Variants in AGAP6 observed in about 807,000 individuals in gnomAD.
AGAP6 encodes the protein ArfGAP with GTPase domain, ankyrin repeat and PH domain 6, also known as arf-GAP with GTPase, ANK repeat and PH domain-containing protein 6.
In AGAP6, 29 loss-of-function variants were observed where a neutral mutation model predicts 63.9. The ratio of observed to expected loss-of-function variants is 0.45; its 90% CI spans 0.34 to 0.62. The LOEUF (loss-of-function observed/expected upper bound fraction) is 0.62. Among genes scored for constraint, AGAP6 ranks in the 20% least tolerant of loss-of-function variants. AGAP6 has a pLI of 0.01. For missense variants in AGAP6, 493 were observed against 884.9 expected (o/e 0.56, Z 5.62); for synonymous variants, 199 against 332.9 (o/e 0.60, Z 4.38).
chr10:49,988,452 T>C lies in AGAP6; in HGVS notation c.-264T>C. 6 of 1,330,168 alleles carry C rather than the reference T, an allele frequency of 4.5e-6. 1 individual carries two copies. Among genetic ancestry groups the C allele is most frequent in the Non-Finnish European group, 5.9e-6 (6 of 1,014,290 alleles). The allele number at this position is 1,330,168 out of a possible 1,614,324, so 82.4% of individuals were successfully genotyped here. On this transcript the variant is annotated 5_prime_UTR_variant, in exon 1 of 8. Transcript: ENST00000412531. ...TTGTGTCTCTCAGCGCTTGTTGGTT[T>C]CACAACCTATTAAATAAGCCGGCTG...
intron 7 of AGAP6, among the ~76,000 whole-genome samples, chr10:50,008,361 C>T (rs1484825765): frequency 1.3e-4 from 20 of 148,996 alleles, no homozygotes; most frequent in Non-Finnish European, 1.8e-4. Context: ...TGCAATCGCG[C>T]GATCTTGGTT....
chr10:49,995,447 C>T (rs1403348587), intron 4 of AGAP6, among the ~76,000 whole-genome samples: 2 of 152,148 alleles, frequency 1.3e-5, no homozygotes, highest in Non-Finnish European at 2.9e-5. Flanking sequence ...TATTTTCTAA[C>T]AGCTGTTTTT....
chr10:50,006,005 A>T (rs1554863834), intron 6 of AGAP6, among the ~76,000 whole-genome samples: 2 of 150,406 alleles, frequency 1.3e-5, no homozygotes, highest in African/African-American at 4.9e-5. Context: ...GTTTTCAGAC[A>T]GTTGTGGGTA....
At chr10:49,990,413 C>T (rs1841223422) in intron 2 of AGAP6, among the ~76,000 whole-genome samples, 1 of 152,198 alleles carries the variant, frequency 6.6e-6, no homozygotes, top group Admixed American at 6.5e-5. Context: ...CCAATGCACT[C>T]CAGCCTGGGT....
At chr10:49,991,045 A>G (rs1311403688) in intron 2 of AGAP6, among the ~76,000 whole-genome samples, 1 of 152,122 alleles carries the variant, frequency 6.6e-6, no homozygotes, top group African/African-American at 2.4e-5. Context: ...GTCATTCTTT[A>G]GGATTACAAC....
intron 2 of AGAP6, among the ~76,000 whole-genome samples, chr10:49,989,803 G>T (rs1841197974): frequency 6.6e-6 from 1 of 152,166 alleles, no homozygotes; most frequent in African/African-American, 2.4e-5. Context: ...TCACAGCCGG[G>T]GCTGCAGAAA....
In AGAP6 at chr10:49,988,413, T is replaced by C. The variant is rs1841118523; in HGVS notation, c.-303T>C. On this transcript the variant is annotated 5_prime_UTR_variant, in exon 1 of 8. Coordinates refer to ENST00000412531, the MANE Select transcript of AGAP6 (RefSeq NM_001077665.3). The stretch of plus-strand genomic sequence containing the variant: ...AGGAGGAGGAACTCCGTCTGTTCTC[T>C]CTTCAGGCAGTTGTTGTGTCTCTCA... 1.1e-5 allele frequency: 15 copies of C among 1,336,054 alleles called. No homozygotes were observed. In the South Asian group the frequency reaches 2.1e-4, roughly 19 times the overall value. The allele number at this position is 1,336,054 out of a possible 1,614,324, so 82.8% of individuals were successfully genotyped here. A position where few individuals can be genotyped will look rare whatever the true frequency, so the allele number is the denominator to read the frequency against.
In AGAP6 at chr10:49,991,698, C is replaced by T. The variant is rs782783962; in HGVS notation, c.315C>T (p.Ala105=). 1 of 1,598,362 alleles carries T rather than the reference C, an allele frequency of 6.3e-7. No homozygotes were observed. The highest frequency in any genetic ancestry group is 8.5e-7 in the Non-Finnish European group (1 of 1,179,706). The change falls in exon 3 of 8, where the codon GCC becomes GCT. Residue 105 remains alanine (A), a synonymous_variant. Coordinates refer to ENST00000412531, the MANE Select transcript of AGAP6 (RefSeq NM_001077665.3). The part of the protein sequence containing the change: ...QTEALEFNPS[A]NPEASTIFQR... ...TAGCTTTGGAGTTTAACCCTTCTGC[C>T]AATCCAGAGGCAAGCACAATATTCC... is the stretch of plus-strand genomic sequence containing the variant.
chr10:49,999,230 A>T (rs1841604707), intron 4 of AGAP6, among the ~76,000 whole-genome samples: 1 of 134,836 alleles, frequency 7.4e-6, no homozygotes, highest in East Asian at 2.4e-4. Flanking sequence ...ACAGAGCGAG[A>T]CTCCATCTCA....
In AGAP6 at chr10:50,009,789, C is replaced by T. The variant is rs1318539192; in HGVS notation, c.1664C>T (p.Ser555Leu). 3 of 1,613,736 alleles carry T rather than the reference C, an allele frequency of 1.9e-6. No homozygotes were observed. Among genetic ancestry groups the T allele is most frequent in the Non-Finnish European group, 2.5e-6 (3 of 1,179,960 alleles). Residue 555 changes from serine to leucine, a missense_variant, in exon 8 of 8, where the codon TCA becomes TTA. By Grantham distance (145) the Ser-to-Leu change is moderately radical. Transcript: ENST00000412531. ...EGSSQGQTKP[S>L]EKSTREEKER... ...AGCAGCCAGGGGCAGACAAAACCCT[C>T]AGAAAAGTCCACGAGGGAAGAGAAG...
intron 4 of AGAP6, among the ~76,000 whole-genome samples, chr10:49,994,681 G>A (rs1787045261): frequency 1.3e-5 from 2 of 152,054 alleles, no homozygotes; most frequent in Admixed American, 6.6e-5. Context: ...TCTGCCTTAC[G>A]GCTGGGCATG....
intron 6 of AGAP6, among the ~76,000 whole-genome samples, chr10:50,005,647 G>A (rs1288132365): frequency 2.0e-5 from 3 of 151,624 alleles, no homozygotes; most frequent in Admixed American, 6.6e-5. Context: ...CTGGTGGGGC[G>A]CAGTGGTTCA....
chr10:49,989,785 G>A (rs1841197073), intron 2 of AGAP6, among the ~76,000 whole-genome samples: 2 of 152,356 alleles, frequency 1.3e-5, no homozygotes, highest in South Asian at 4.1e-4. Context: ...TGTGAAAGGT[G>A]TAAAATGTCA....
intron 5 of AGAP6, among the ~76,000 whole-genome samples, chr10:50,003,044 T>TC (rs1841771512): frequency 6.6e-6 from 1 of 151,678 alleles, no homozygotes. Flanking sequence ...TTGACTAGAG[T>TC]CCCTGGCTTC....
In AGAP6 at chr10:50,010,170, CCGA is replaced by C. The variant is rs1842061033; in HGVS notation, c.2049_2051del (p.Asp683del). ...AACGTGCTTCTGCAGTACGGCTGCC[CCGA>C]CGAGTGTGTGTAGTATCTGTTTTAT... On this transcript the variant is annotated inframe_deletion, in exon 8 of 8. Coordinates refer to ENST00000412531, the MANE Select transcript of AGAP6 (RefSeq NM_001077665.3). 1 of 1,605,562 alleles carries C rather than the reference CCGA, an allele frequency of 6.2e-7. No individual in the cohort carries two copies. The highest frequency in any genetic ancestry group is 8.5e-7 in the Non-Finnish European group (1 of 1,175,078).
At chr10:49,990,350 C>G (rs1476613835) in intron 2 of AGAP6, among the ~76,000 whole-genome samples, 5 of 152,044 alleles carry the variant, frequency 3.3e-5, no homozygotes, top group Non-Finnish European at 7.4e-5. Flanking sequence ...AAGGCTGAGG[C>G]AGGAGAATTG....
At position 50,001,989 on chromosome 10, in the gene AGAP6, C is replaced by A. The variant is rs1281663341; in HGVS notation, c.397-7C>A. 1 of 1,612,572 alleles carries A rather than the reference C, an allele frequency of 6.2e-7. No individual in the cohort carries two copies. Among genetic ancestry groups the A allele is most frequent in the Non-Finnish European group, 8.5e-7 (1 of 1,180,000 alleles). Reference sequence around the variant, plus strand: ...TAAGTTTGACTTACAGTTCCCTTCCCCTTCAGGTATCTGCTGTGCGTTTCA... The same window carrying A: ...TAAGTTTGACTTACAGTTCCCTTCCACTTCAGGTATCTGCTGTGCGTTTCA... On this transcript the variant is annotated splice_region_variant and splice_polypyrimidine_tract_variant and intron_variant, in intron 4 of 7. Transcript: ENST00000412531.
chr10:49,995,711 T>C (rs1255637258), intron 4 of AGAP6, among the ~76,000 whole-genome samples: 3 of 152,216 alleles, frequency 2.0e-5, no homozygotes, highest in Non-Finnish European at 2.9e-5. Context: ...TGTGTTTCCT[T>C]CTGTCCTGTT....
Position 49,989,561 on chromosome 10 carries a change from G to A in AGAP6, c.292+185G>A, listed in dbSNP as rs1841188452. Among the ~76,000 whole-genome samples the A allele has an allele frequency of 2.0e-5, 3 of 152,016 alleles. No individual in the cohort carries two copies. In the South Asian group the frequency reaches 6.2e-4, roughly 31 times the overall value. On this transcript the variant is annotated intron_variant, in intron 2 of 7. Coordinates refer to ENST00000412531, the MANE Select transcript of AGAP6 (RefSeq NM_001077665.3). ...GAAGGAACCAGGTAAGTGCCTAATTGTTTCCTTTGTTAAAGTAGCCAAATC... is the reference window on the plus strand; with the variant it reads ...GAAGGAACCAGGTAAGTGCCTAATTATTTCCTTTGTTAAAGTAGCCAAATC...
Sources: allele counts gnomAD v4.1 joint callset (sites outside exome capture counted in the v4.1 genomes callset), GRCh38; gene constraint gnomAD v4.1.1; transcripts MANE v1.5; gene names NCBI Gene and HGNC (gene_info 2026-07-23, HGNC 2026-07-21).